Variants in TSHZ2 observed in about 807,000 individuals in gnomAD.
TSHZ2 encodes the protein teashirt zinc finger homeobox 2.
Under a neutral mutation model 74.4 loss-of-function variants are expected in TSHZ2, and 21 were observed. The observed-to-expected ratio is 0.28, with a 90% CI of 0.20 to 0.41. The LOEUF (loss-of-function observed/expected upper bound fraction) is 0.41. TSHZ2 is among the 10% of genes least tolerant of loss of function. The pLI is 1.00. For synonymous variants in TSHZ2, 540 were observed against 515.3 expected (o/e 1.05, Z -0.65); for missense variants, 1,244 against 1,293.5 (o/e 0.96, Z 0.59).
chr20:53,365,343 TG>T (rs1184016233), intron 2 of TSHZ2, among the ~76,000 whole-genome samples: 1 of 152,080 alleles, frequency 6.6e-6, no homozygotes, highest in African/African-American at 2.4e-5. Context: ...TATCCCAGCT[TG>T]GGGGGGTCGG....
Position 53,489,031 on chromosome 20 carries a change from C to A in TSHZ2, c.*1896C>A, listed in dbSNP as rs1490283705. On this transcript the variant is annotated 3_prime_UTR_variant, in exon 3 of 3. Transcript: ENST00000371497. ...TAATGAGGCATGGACAGAAAATATA[C>A]CCCTCACATCATCGGATTGAGATGG... 5 of 455,940 alleles carry A rather than the reference C, an allele frequency of 1.1e-5. No homozygotes were observed. The highest frequency in any genetic ancestry group is 7.7e-5 in the South Asian group (5 of 64,564). The allele number at this position is 455,940 out of a possible 1,614,324, so 28.2% of individuals were successfully genotyped here. A position where few individuals can be genotyped will look rare whatever the true frequency, so the allele number is the denominator to read the frequency against.
Position 53,255,867 on chromosome 20 carries a change from C to A in TSHZ2, c.2409C>A (p.Pro803=), listed in dbSNP as rs751469710. The change falls in exon 2 of 3, where the codon CCC becomes CCA. Residue 803 remains proline, a synonymous_variant. Transcript: ENST00000371497. This position sits in a 1 kb window ranked among gnomAD's most constrained non-coding sequence, Gnocchi z 4.1. ...SDIADMVKVL[P]KATTPKPASS... ...TCGCCGACATGGTCAAAGTCCTCCCCAAAGCCACCACCCCAAAGCCAGCCT... is the reference window on the plus strand; with the variant it reads ...TCGCCGACATGGTCAAAGTCCTCCCAAAAGCCACCACCCCAAAGCCAGCCT... 9 of 1,612,320 alleles carry A rather than the reference C, an allele frequency of 5.6e-6. No homozygotes were observed. The highest frequency in any genetic ancestry group is 7.6e-6 in the Non-Finnish European group (9 of 1,179,036).
At chr20:53,327,147 C>G (rs1385042441) in intron 2 of TSHZ2, among the ~76,000 whole-genome samples, 1 of 152,198 alleles carries the variant, frequency 6.6e-6, no homozygotes, top group Non-Finnish European at 1.5e-5. Flanking sequence ...ATAGCGAGAC[C>G]AAGCTTGACC....
At chr20:53,304,382 T>G (rs1428417139) in intron 2 of TSHZ2, among the ~76,000 whole-genome samples, 1 of 152,020 alleles carries the variant, frequency 6.6e-6, no homozygotes, top group African/African-American at 2.4e-5. Flanking sequence ...ATGCCCTGCT[T>G]GTAGCATATC....
At chr20:53,394,761 C>CAAAAAAAAAAAAAAA (rs3042185) in intron 2 of TSHZ2, among the ~76,000 whole-genome samples, 3 of 72,370 alleles carry the variant, frequency 4.1e-5, no homozygotes, top group African/African-American at 1.6e-4. Context: ...CAATCTGTCT[C>CAAAAAAAAAAAAAAA]AAAAAAAAAA....
At chr20:53,305,266 A>T (rs966922958) in intron 2 of TSHZ2, among the ~76,000 whole-genome samples, 2 of 152,126 alleles carry the variant, frequency 1.3e-5, no homozygotes, top group Non-Finnish European at 2.9e-5. Context: ...TGCTGAAAAC[A>T]CCTCGTGGAT....
chr20:53,466,190 G>C (rs6126843), intron 2 of TSHZ2, among the ~76,000 whole-genome samples: 53,033 of 151,058 alleles, frequency 0.35, 9,499 homozygotes, highest in Admixed American at 0.36. Context: ...AGAGGTTGCA[G>C]TGAGCCGAGA....
intron 2 of TSHZ2, among the ~76,000 whole-genome samples, chr20:53,346,249 T>G (rs1980433698): frequency 6.6e-6 from 1 of 152,188 alleles, no homozygotes; most frequent in Non-Finnish European, 1.5e-5. Flanking sequence ...TGATGCTAAT[T>G]TAATCTGTTC....
At chr20:53,308,022 C>G (rs753914679) in intron 2 of TSHZ2, among the ~76,000 whole-genome samples, 6 of 152,174 alleles carry the variant, frequency 3.9e-5, no homozygotes, top group South Asian at 2.1e-4. Context: ...GTAGTGCATC[C>G]CGCTGTGTTT....
intron 1 of TSHZ2, among the ~76,000 whole-genome samples, chr20:53,160,937 C>G (rs1987918077): frequency 1.3e-5 from 2 of 151,800 alleles, no homozygotes; most frequent in East Asian, 1.9e-4. Context: ...AAAATTTCCA[C>G]TAATCTATTA....
At chr20:53,090,507 T>C (rs1007178884) in intron 1 of TSHZ2, among the ~76,000 whole-genome samples, 2 of 152,172 alleles carry the variant, frequency 1.3e-5, no homozygotes, top group African/African-American at 4.8e-5. Flanking sequence ...AGTGAGGAGT[T>C]CCTTCCAATT....
intron 2 of TSHZ2, among the ~76,000 whole-genome samples, chr20:53,271,942 G>A (rs1230567728): frequency 1.3e-5 from 2 of 152,130 alleles, no homozygotes; most frequent in East Asian, 1.9e-4. Flanking sequence ...ATTGAGGTTT[G>A]CTTTATGAAA....
intron 1 of TSHZ2, among the ~76,000 whole-genome samples, chr20:52,975,067 T>G (rs1033189672): frequency 1.6e-4 from 24 of 152,302 alleles, no homozygotes; most frequent in African/African-American, 5.5e-4. Flanking sequence ...TGCTTTGCAA[T>G]CTGACAGCGT....
intron 1 of TSHZ2, among the ~76,000 whole-genome samples, chr20:53,194,310 C>T (rs1988807297): frequency 6.6e-6 from 1 of 152,186 alleles, no homozygotes; most frequent in African/African-American, 2.4e-5. Flanking sequence ...GAGCAGCCTC[C>T]CACGAGGTAG....
At chr20:53,126,443 G>A (rs978945371) in intron 1 of TSHZ2, among the ~76,000 whole-genome samples, 11 of 152,238 alleles carry the variant, frequency 7.2e-5, no homozygotes, top group Non-Finnish European at 1.3e-4. Context: ...TCACAGGACA[G>A]TGATGCTGAG....
chr20:53,473,899 G>C (rs1176049417), intron 2 of TSHZ2, among the ~76,000 whole-genome samples: 2 of 152,186 alleles, frequency 1.3e-5, no homozygotes, highest in African/African-American at 2.4e-5. Context: ...CTGGAAGAAA[G>C]GGTATCAGCG....
At chr20:53,121,952 C>T (rs1037368919) in intron 1 of TSHZ2, among the ~76,000 whole-genome samples, 1 of 151,986 alleles carries the variant, frequency 6.6e-6, no homozygotes. Context: ...TGCAAATATT[C>T]CACTTTTCTT....
intron 1 of TSHZ2, among the ~76,000 whole-genome samples, chr20:52,984,789 C>T (rs1383129739): frequency 6.6e-6 from 1 of 152,008 alleles, no homozygotes. Flanking sequence ...TGACTTGGAC[C>T]AGATGGATGG....
At chr20:53,011,262 T>A (rs1260266430) in intron 1 of TSHZ2, among the ~76,000 whole-genome samples, 3 of 152,212 alleles carry the variant, frequency 2.0e-5, no homozygotes, top group Non-Finnish European at 4.4e-5. Flanking sequence ...GTCTGCCATA[T>A]CTCAAGAGCC....
Sources: gnomAD v4.1 joint callset for allele counts (sites outside exome capture counted in the v4.1 genomes callset) on GRCh38, gnomAD v4.1.1 for gene constraint, Gnocchi (gnomAD v3.1) non-coding constraint, MANE v1.5 for transcripts, NCBI Gene and HGNC (gene_info 2026-07-23, HGNC 2026-07-21) for gene names.